ITGB6: variants seen among roughly 807,000 people sequenced by gnomAD.
ITGB6 encodes the protein integrin beta-6.
Under a neutral mutation model 84.5 loss-of-function variants are expected in ITGB6, and 80 were observed. The ratio of observed to expected loss-of-function variants is 0.95; its 90% CI spans 0.79 to 1.14. The LOEUF is 1.14. Ranked by LOEUF, ITGB6 falls within the 50% of genes most tolerant of loss-of-function variation. ITGB6 has a pLI of 0.00. For synonymous variants in ITGB6, 383 were observed against 354.9 expected (o/e 1.08, Z -0.89); for missense variants, 1,006 against 968.0 (o/e 1.04, Z -0.52).
intron 2 of ITGB6, 63 bp downstream of exon 2, chr2:160,199,116 G>A (rs1444703453): frequency 6.8e-6 from 9 of 1,322,590 alleles, no homozygotes; most frequent in Admixed American, 1.7e-5. Flanking sequence ...ATATCACTGA[G>A]GAAATTAACA....
chr2:160,148,020 C>A (rs1031696734), intron 7 of ITGB6, among the ~76,000 whole-genome samples: 1 of 152,006 alleles, frequency 6.6e-6, no homozygotes, highest in Admixed American at 6.6e-5. Flanking sequence ...GTCAAAAGAA[C>A]AAGAAAACAA....
chr2:160,180,370 C>A (rs112057748), intron 4 of ITGB6, among the ~76,000 whole-genome samples: 1 of 152,182 alleles, frequency 6.6e-6, no homozygotes, highest in African/African-American at 2.4e-5. Context: ...TGGACTCAAA[C>A]TCCAGGGCTT....
intron 14 of ITGB6, among the ~76,000 whole-genome samples, chr2:160,105,324 G>A (rs1416881657): frequency 6.6e-6 from 1 of 152,106 alleles, no homozygotes; most frequent in African/African-American, 2.4e-5. Context: ...TTTCAGTCAT[G>A]TTCTACATCC....
intron 4 of ITGB6, among the ~76,000 whole-genome samples, chr2:160,192,944 C>A (rs1304057266): frequency 6.6e-6 from 1 of 151,996 alleles, no homozygotes; most frequent in Non-Finnish European, 1.5e-5. Flanking sequence ...AGATGCTACC[C>A]CACACCTATT....
At chr2:160,141,953 A>C in intron 8 of ITGB6, 29 bp downstream of exon 8, 1 of 1,437,240 alleles carries the variant, frequency 7.0e-7, no homozygotes, top group Non-Finnish European at 9.7e-7. Flanking sequence ...AAGAAATGCA[A>C]AAAAGAAGCC....
intron 7 of ITGB6, among the ~76,000 whole-genome samples, chr2:160,153,513 A>C (rs922758556): frequency 2.6e-5 from 4 of 152,228 alleles, no homozygotes; most frequent in African/African-American, 9.6e-5. Flanking sequence ...AATACCATTC[A>C]GGACATAGGC....
intron 2 of ITGB6, among the ~76,000 whole-genome samples, chr2:160,198,267 T>C (rs1686420779): frequency 6.6e-6 from 1 of 152,226 alleles, no homozygotes; most frequent in Non-Finnish European, 1.5e-5. Flanking sequence ...GGGACTGAGC[T>C]GTGTCTGTGC....
At chr2:160,131,216 T>G (rs545442315) in intron 10 of ITGB6, among the ~76,000 whole-genome samples, 1 of 152,262 alleles carries the variant, frequency 6.6e-6, no homozygotes, top group African/African-American at 2.4e-5. Context: ...AAGTGCATAA[T>G]GGCAGGAAGT....
rs150518985 is a variant in ITGB6 at position 160,152,990 on chromosome 2, A to C, written c.1018-10919T>G. On this transcript the variant is annotated intron_variant, in intron 7 of 14. Coordinates refer to ENST00000283249, the MANE Select transcript of ITGB6 (RefSeq NM_000888.5). Reference sequence around the variant, plus strand: ...ATGCTCATAGATAGGAAGAATCAATATTGTGAAAATGGTCATACTGCCCAA... The same window carrying C: ...ATGCTCATAGATAGGAAGAATCAATCTTGTGAAAATGGTCATACTGCCCAA... Among the ~76,000 whole-genome samples, 368 of 152,334 alleles carry C rather than the reference A, an allele frequency of 2.4e-3. 1 individual carries two copies. The highest frequency in any genetic ancestry group is 8.1e-3 in the African/African-American group (337 of 41,572).
chr2:160,128,644 G>A (rs989013263), intron 10 of ITGB6, among the ~76,000 whole-genome samples: 4 of 152,138 alleles, frequency 2.6e-5, no homozygotes, highest in Non-Finnish European at 5.9e-5. Context: ...GGTGCGATTG[G>A]TGCCAGGCGG....
At chr2:160,178,688 CTTTTTTTTTTT>C (rs746675372) in intron 4 of ITGB6, among the ~76,000 whole-genome samples, 1 of 103,746 alleles carries the variant, frequency 9.6e-6, no homozygotes, top group African/African-American at 3.5e-5. Flanking sequence ...CTCTCTCTCT[CTTTTTTTTTTT>C]TTTTTTTTTT....
intron 10 of ITGB6, 93 bp from the exon 11 acceptor site, chr2:160,126,694 C>T: frequency 2.5e-6 from 3 of 1,206,754 alleles, no homozygotes; most frequent in Non-Finnish European, 3.5e-6. Flanking sequence ...TCTTTAAGCA[C>T]CGTCATCAAA....
At chr2:160,167,784 A>C (rs1685057329) in intron 7 of ITGB6, among the ~76,000 whole-genome samples, 1 of 152,154 alleles carries the variant, frequency 6.6e-6, no homozygotes, top group Non-Finnish European at 1.5e-5. Context: ...ACTATTACCA[A>C]AGTGAGTTAT....
chr2:160,170,743 A>G (rs1685170725), intron 6 of ITGB6, among the ~76,000 whole-genome samples: 1 of 152,230 alleles, frequency 6.6e-6, no homozygotes, highest in South Asian at 2.1e-4. Context: ...AGGCAGGCAT[A>G]GATACGGTCT....
chr2:160,120,298 A>C (rs1403243865), intron 12 of ITGB6, among the ~76,000 whole-genome samples: 4 of 138,032 alleles, frequency 2.9e-5, no homozygotes, highest in South Asian at 2.3e-4. Flanking sequence ...CTGGATTAAG[A>C]AAATGTGGCA....
At chr2:160,181,338 C>A (rs1361089300) in intron 4 of ITGB6, among the ~76,000 whole-genome samples, 1 of 152,180 alleles carries the variant, frequency 6.6e-6, no homozygotes, top group Non-Finnish European at 1.5e-5. Context: ...GTTGAGTAGG[C>A]AATTTCCCCT....
At chr2:160,173,005 A>T (rs982893046) in intron 5 of ITGB6, among the ~76,000 whole-genome samples, 1 of 152,170 alleles carries the variant, frequency 6.6e-6, no homozygotes, top group African/African-American at 2.4e-5. Flanking sequence ...TGACTTTTAC[A>T]TAGTTCAATT....
intron 7 of ITGB6, among the ~76,000 whole-genome samples, chr2:160,145,064 A>T (rs769235963): frequency 6.6e-6 from 1 of 152,252 alleles, no homozygotes; most frequent in Admixed American, 6.5e-5. Flanking sequence ...TGTAAATATC[A>T]TGTGTCAAAT....
At chr2:160,193,252 T>C (rs2105895398) in intron 4 of ITGB6, among the ~76,000 whole-genome samples, 1 of 151,922 alleles carries the variant, frequency 6.6e-6, no homozygotes, top group East Asian at 1.9e-4. Context: ...AATAAAAGAG[T>C]AAATAAAATG....
Sources: gnomAD v4.1 joint callset for allele counts (sites outside exome capture counted in the v4.1 genomes callset) on GRCh38, gnomAD v4.1.1 for gene constraint, MANE v1.5 for transcripts, NCBI Gene and HGNC (gene_info 2026-07-23, HGNC 2026-07-21) for gene names.